The following RFPL2 variants were observed in gnomAD, a reference collection of about 807,000 sequenced individuals.
RFPL2 encodes the protein ret finger protein-like 2.
Under a neutral mutation model 17.8 loss-of-function variants are expected in RFPL2, and 13 were observed. That is an observed-to-expected ratio of 0.73 (90% CI 0.47 to 1.16). RFPL2 has a LOEUF of 1.16. Ranked by LOEUF, RFPL2 falls within the 50% of genes most tolerant of loss-of-function variation. The pLI is 0.00. For synonymous variants in RFPL2, 189 were observed against 180.9 expected (o/e 1.04, Z -0.36); for missense variants, 431 against 479.3 (o/e 0.90, Z 0.94).
At chr22:32,202,868 G>T (rs915317289) in intron 1 of RFPL2, 1 of 1,033,964 alleles carries the variant, frequency 9.7e-7, no homozygotes. Context: ...CCACCCACAG[G>T]GCCCTGTAGC....
chr22:32,201,039 CTTTTTTT>C (rs136492), intron 2 of RFPL2, among the ~76,000 whole-genome samples: 3 of 130,550 alleles, frequency 2.3e-5, no homozygotes, highest in African/African-American at 2.9e-5. Context: ...CCCTTATTTC[CTTTTTTT>C]TTTTTTTTTT....
At position 32,200,994 on chromosome 22, in the gene RFPL2, C is replaced by G. The variant is rs373672091; in HGVS notation, c.119+1339G>C. ...GCTTGTGAAAGATAGTATCTGAGCTCCGCAGGAAACAGTGCAAGGAGGGTA... is the reference window on the plus strand; with the variant it reads ...GCTTGTGAAAGATAGTATCTGAGCTGCGCAGGAAACAGTGCAAGGAGGGTA... On this transcript the variant is annotated intron_variant, in intron 2 of 4. Coordinates refer to ENST00000652607, the MANE Select transcript of RFPL2 (RefSeq NM_001394555.1). Among the ~76,000 whole-genome samples, 3 of 151,578 alleles carry G rather than the reference C, an allele frequency of 2.0e-5. No homozygotes were observed. In the East Asian group the frequency reaches 5.8e-4, roughly 29 times the overall value.
chr22:32,195,384 G>A (rs891972423), intron 2 of RFPL2, among the ~76,000 whole-genome samples: 3 of 152,122 alleles, frequency 2.0e-5, no homozygotes, highest in Non-Finnish European at 2.9e-5. Context: ...ATGGCACACA[G>A]TAATATTTTG....
intron 2 of RFPL2, among the ~76,000 whole-genome samples, chr22:32,195,748 G>A (rs758364588): frequency 3.3e-5 from 5 of 151,954 alleles, no homozygotes; most frequent in South Asian, 2.1e-4. Flanking sequence ...GTGAGCCACC[G>A]CGCCCGGCCA....
intron 1 of RFPL2, chr22:32,202,966 G>C: frequency 1.0e-6 from 1 of 985,986 alleles, no homozygotes; most frequent in Non-Finnish European, 1.2e-6. Context: ...AAGCACCACG[G>C]GGCTGGGGCC....
chr22:32,204,198 G>A (rs1924298965), intron 1 of RFPL2, among the ~76,000 whole-genome samples: 1 of 146,228 alleles, frequency 6.8e-6, no homozygotes. Context: ...CATAGATAGA[G>A]CCCCCAACCA....
chr22:32,191,975 A>G (rs1281992553), intron 4 of RFPL2, among the ~76,000 whole-genome samples: 1 of 152,228 alleles, frequency 6.6e-6, no homozygotes. Flanking sequence ...TGATATGATC[A>G]CCAATATAGA....
At chr22:32,203,774 G>T (rs80277325) in intron 1 of RFPL2, among the ~76,000 whole-genome samples, 1 of 150,182 alleles carries the variant, frequency 6.7e-6, no homozygotes, top group Non-Finnish European at 1.5e-5. Context: ...GCCCCTCAGC[G>T]ACCAGTGCAG....
intron 2 of RFPL2, among the ~76,000 whole-genome samples, chr22:32,201,823 C>A (rs1236037766): frequency 3.9e-5 from 6 of 152,176 alleles, no homozygotes; most frequent in Non-Finnish European, 8.8e-5. Flanking sequence ...CAGCAGCAGG[C>A]CTGTGTCACT....
chr22:32,202,165 TC>T (rs1167136038), intron 2 of RFPL2, among the ~76,000 whole-genome samples, 167 bp downstream of exon 2: 1 of 152,062 alleles, frequency 6.6e-6, no homozygotes, highest in African/African-American at 2.4e-5. Flanking sequence ...TCTCTCCTGA[TC>T]TTCTCTCCCC....
intron 2 of RFPL2, 114 bp from the exon 3 acceptor site, chr22:32,194,604 A>G (rs1215852360): frequency 6.2e-5 from 68 of 1,099,354 alleles, no homozygotes; most frequent in Non-Finnish European, 8.5e-5. Context: ...ATATGAAGGT[A>G]AGATTAAATT....
intron 2 of RFPL2, among the ~76,000 whole-genome samples, chr22:32,195,239 A>T (rs1308186170): frequency 6.6e-6 from 1 of 152,214 alleles, no homozygotes; most frequent in Non-Finnish European, 1.5e-5. Flanking sequence ...GTAATTAAAA[A>T]TAAAGACCTA....
At chr22:32,201,963 C>T (rs1207468411) in intron 2 of RFPL2, among the ~76,000 whole-genome samples, 1 of 152,178 alleles carries the variant, frequency 6.6e-6, no homozygotes, top group East Asian at 1.9e-4. Context: ...CACATTTATT[C>T]TCTCCCAGGT....
At position 32,193,011 on chromosome 22, in the gene RFPL2, G is replaced by A. The variant is rs1008765873; in HGVS notation, c.447C>T (p.Asn149=). 4 of 1,613,998 alleles carry A rather than the reference G, an allele frequency of 2.5e-6. No individual in the cohort carries two copies. The highest frequency in any genetic ancestry group is 4.5e-5 in the East Asian group (2 of 44,898). ...CCCSSMVSRK[N]KIRRNRQLER... Reference sequence around the variant, plus strand: ...CTAGCTGCCGATTGCGCCTGATTTTGTTCTTCCGAGAGACCATGGAAGAGC... The same window carrying A: ...CTAGCTGCCGATTGCGCCTGATTTTATTCTTCCGAGAGACCATGGAAGAGC... Residue 149 remains asparagine (N), a synonymous_variant, in exon 4 of 5, where the codon AAC becomes AAT. Transcript: ENST00000652607.
intron 2 of RFPL2, 43 bp downstream of exon 2, chr22:32,202,290 C>G: frequency 6.4e-7 from 1 of 1,555,872 alleles, no homozygotes; most frequent in Non-Finnish European, 8.7e-7. Context: ...CTTATAAAGA[C>G]TCCACCCTGG....
chr22:32,202,375 C>A lies in RFPL2; in HGVS notation c.77G>T (p.Gly26Val). The change falls in exon 2 of 5, where the codon GGC (glycine) becomes GTC (valine). Residue 26 changes from glycine to valine, a missense_variant. By Grantham distance (109) the Gly-to-Val change is moderately radical. Transcript: ENST00000652607. ...CATCATGTCTGCAAAGTCCCAGTGG[C>A]CACACAATACAGCACATAGACAGAT... ...SRICLCAVLC[G>V]HWDFADMMVI... 1 of 1,605,914 alleles carries A rather than the reference C, an allele frequency of 6.2e-7. No homozygotes were observed. Among genetic ancestry groups the A allele is most frequent in the Non-Finnish European group, 8.5e-7 (1 of 1,176,324 alleles).
At chr22:32,195,650 G>T (rs1251477367) in intron 2 of RFPL2, among the ~76,000 whole-genome samples, 5 of 151,446 alleles carry the variant, frequency 3.3e-5, no homozygotes, top group Non-Finnish European at 7.4e-5. Flanking sequence ...TAGAGACGGG[G>T]TTTCACCATT....
chr22:32,199,213 G>A (rs978348666), intron 2 of RFPL2, among the ~76,000 whole-genome samples: 5 of 152,100 alleles, frequency 3.3e-5, no homozygotes, highest in African/African-American at 1.2e-4. Flanking sequence ...AGAGGGGAAG[G>A]CTGTGGACAT....
rs1331082957 is a variant in RFPL2 at position 32,190,873 on chromosome 22, G to C, written c.1036C>G (p.Pro346Ala). The C allele has an allele frequency of 6.3e-7, 1 of 1,591,658 alleles. No homozygotes were observed. Residue 346 changes from proline (P) to alanine (A), a missense_variant, in exon 5 of 5, where the codon CCT becomes GCT. Transcript: ENST00000652607. ...TGATCACCATTAGGTGGAACTGAAGGAGCCAAAAATGGGCGCAATGGCTCC... is the reference window on the plus strand; with the variant it reads ...TGATCACCATTAGGTGGAACTGAAGCAGCCAAAAATGGGCGCAATGGCTCC... Reference protein sequence around the residue: ...AEEPLRPFLAPSVPPNGDQGV... With the variant: ...AEEPLRPFLAASVPPNGDQGV...
Sources: gnomAD v4.1 joint callset for allele counts (sites outside exome capture counted in the v4.1 genomes callset) on GRCh38, gnomAD v4.1.1 for gene constraint, MANE v1.5 for transcripts, NCBI Gene and HGNC (gene_info 2026-07-23, HGNC 2026-07-21) for gene names.